Variants in MAPK8 observed in about 807,000 individuals in gnomAD.
MAPK8 encodes JUN N-terminal kinase.
A neutral mutation model predicts 52.9 loss-of-function variants in MAPK8; 13 were observed. The observed-to-expected ratio is 0.25, with a 90% CI of 0.16 to 0.39. The LOEUF is 0.39. Among genes scored for constraint, MAPK8 ranks in the 10% least tolerant of loss-of-function variants. MAPK8 has a pLI of 1.00. For synonymous variants in MAPK8, 191 were observed against 169.8 expected (o/e 1.12, Z -0.97); for missense variants, 300 against 519.2 (o/e 0.58, Z 4.10).
At chr10:48,383,279 C>T (rs1418948121) in intron 1 of MAPK8, among the ~76,000 whole-genome samples, 1 of 152,014 alleles carries the variant, frequency 6.6e-6, no homozygotes, top group Admixed American at 6.6e-5. Context: ...TTGGTAGCCA[C>T]AAATAAGGTG....
rs1340928373 is a variant in MAPK8, at chr10:48,436,494, G to A, written c.*1465G>A. The A allele has an allele frequency of 6.6e-6, 1 of 152,106 alleles. No homozygotes were observed. The highest frequency in any genetic ancestry group is 6.6e-5 in the Admixed American group (1 of 15,266). The allele number at this position is 152,106 out of a possible 1,614,324, so 9.4% of individuals were successfully genotyped here. A position where few individuals can be genotyped will look rare whatever the true frequency, so the allele number is the denominator to read the frequency against. On this transcript the variant is annotated 3_prime_UTR_variant, in exon 12 of 12. Transcript: ENST00000374189. ...TTTTAAATTATCTCTGGAACAAGAG[G>A]GATTTCATGTAATGAACTAGGAAAT...
intron 1 of MAPK8, among the ~76,000 whole-genome samples, chr10:48,355,334 C>T (rs2132473779): frequency 6.6e-6 from 1 of 151,994 alleles, no homozygotes; most frequent in South Asian, 2.1e-4. Flanking sequence ...ACGGCGAAAC[C>T]CCATCTCTAC....
At chr10:48,408,992 C>T (rs1235747822) in intron 3 of MAPK8, among the ~76,000 whole-genome samples, 2 of 152,194 alleles carry the variant, frequency 1.3e-5, no homozygotes, top group African/African-American at 2.4e-5. Flanking sequence ...GAGCGCCCCA[C>T]TCTCATGACC....
chr10:48,346,803 C>T (rs979496258), intron 1 of MAPK8, among the ~76,000 whole-genome samples: 5 of 152,170 alleles, frequency 3.3e-5, no homozygotes, highest in African/African-American at 7.2e-5. Context: ...GAAATAATGG[C>T]GTAAGCTGTC....
intron 1 of MAPK8, among the ~76,000 whole-genome samples, chr10:48,325,078 C>T (rs1428017355): frequency 1.3e-5 from 2 of 151,892 alleles, no homozygotes; most frequent in Admixed American, 6.6e-5. Context: ...TGGGTTCAAG[C>T]GATTCTCTCA....
chr10:48,388,109 A>G (rs780086502), intron 1 of MAPK8, among the ~76,000 whole-genome samples: 7 of 152,202 alleles, frequency 4.6e-5, no homozygotes, highest in Non-Finnish European at 7.4e-5. Context: ...AACATGGTAT[A>G]GGTAGGGAAT....
intron 1 of MAPK8, among the ~76,000 whole-genome samples, chr10:48,390,948 G>A (rs1280321083): frequency 6.6e-6 from 1 of 152,192 alleles, no homozygotes; most frequent in Non-Finnish European, 1.5e-5. Flanking sequence ...ATCTGCATAA[G>A]TAAATATACA....
At chr10:48,393,726 A>G (rs897763397) in intron 1 of MAPK8, among the ~76,000 whole-genome samples, 4 of 152,110 alleles carry the variant, frequency 2.6e-5, no homozygotes, top group Non-Finnish European at 5.9e-5. Flanking sequence ...TTAAATGCTT[A>G]TATTATAAAA....
intron 1 of MAPK8, among the ~76,000 whole-genome samples, chr10:48,338,510 G>A (rs1844917598): frequency 6.6e-6 from 1 of 152,004 alleles, no homozygotes; most frequent in African/African-American, 2.4e-5. Context: ...TTTCCCCTAA[G>A]AACCAGAACA....
At chr10:48,332,111 G>T (rs1844211168) in intron 1 of MAPK8, among the ~76,000 whole-genome samples, 1 of 152,156 alleles carries the variant, frequency 6.6e-6, no homozygotes. Context: ...GGTACAGTCT[G>T]TTCTAATATT....
At chr10:48,421,952 G>T (rs1276627723) in intron 6 of MAPK8, among the ~76,000 whole-genome samples, 1 of 151,882 alleles carries the variant, frequency 6.6e-6, no homozygotes. Context: ...AGCCAGCAAG[G>T]TTAAACATAA....
intron 1 of MAPK8, among the ~76,000 whole-genome samples, chr10:48,334,390 G>T (rs1263253146): frequency 6.6e-6 from 1 of 152,154 alleles, no homozygotes; most frequent in African/African-American, 2.4e-5. Flanking sequence ...CGGAACTGCA[G>T]ATTGGGACTC....
intron 1 of MAPK8, among the ~76,000 whole-genome samples, chr10:48,363,906 T>G (rs1042548066): frequency 6.6e-6 from 1 of 152,240 alleles, no homozygotes; most frequent in African/African-American, 2.4e-5. Context: ...GTGTTCTTCA[T>G]ATCAGTAGTA....
intron 1 of MAPK8, among the ~76,000 whole-genome samples, chr10:48,349,098 C>G (rs1045795503): frequency 6.6e-5 from 10 of 152,094 alleles, no homozygotes; most frequent in African/African-American, 2.2e-4. Flanking sequence ...TATATATGCA[C>G]CCAATACAGA....
At chr10:48,324,053 A>G (rs931187363) in intron 1 of MAPK8, among the ~76,000 whole-genome samples, 9 of 152,228 alleles carry the variant, frequency 5.9e-5, no homozygotes, top group African/African-American at 1.9e-4. Context: ...GTTCAGACAT[A>G]CACATTGAAA....
intron 1 of MAPK8, among the ~76,000 whole-genome samples, chr10:48,394,309 G>T (rs1174961889): frequency 2.0e-5 from 3 of 151,838 alleles, no homozygotes; most frequent in Non-Finnish European, 3.0e-5. Flanking sequence ...GAAAACTACA[G>T]TCCAGTATTC....
At chr10:48,330,532 A>G (rs572864522) in intron 1 of MAPK8, among the ~76,000 whole-genome samples, 1 of 152,330 alleles carries the variant, frequency 6.6e-6, no homozygotes, top group South Asian at 2.1e-4. Context: ...ATGTAGAACA[A>G]TGTGTGAGAA....
In MAPK8 at chr10:48,316,608, G is replaced by A. The variant is rs183604228; in HGVS notation, c.-50+9787G>A. Among the ~76,000 whole-genome samples the A allele has an allele frequency of 9.9e-4, 151 of 152,270 alleles. 1 individual carries two copies. The highest frequency in any genetic ancestry group is 2.0e-3 in the Non-Finnish European group (139 of 68,018). The stretch of plus-strand genomic sequence containing the variant: ...ATGAAGTGAATGAATGTAGACAGGA[G>A]GGTCTTAAGCTTGGAAAAATGCAAA... On this transcript the variant is annotated intron_variant, in intron 1 of 11. Coordinates refer to ENST00000374189, the MANE Select transcript of MAPK8 (RefSeq NM_001323329.2).
Position 48,413,814 on chromosome 10 carries a change from G to GTTAT in MAPK8, c.450+3647_450+3650dup, listed in dbSNP as rs1554832925. On this transcript the variant is annotated intron_variant, in intron 5 of 11. Coordinates refer to ENST00000374189, the MANE Select transcript of MAPK8 (RefSeq NM_001323329.2). ...CCAAAATTGAGTATTTGCCAGAATTGTTATATATATATATATATATATATA... is the reference window on the plus strand; with the variant it reads ...CCAAAATTGAGTATTTGCCAGAATTGTTATTTATATATATATATATATATATATA... 2.2e-4 allele frequency among the ~76,000 whole-genome samples: 7 copies of GTTAT among 31,144 alleles called. 1 individual carries two copies. Among genetic ancestry groups the GTTAT allele is most frequent in the Non-Finnish European group, 3.3e-4 (5 of 15,270 alleles). The allele number at this position is 31,144 out of a possible 152,430, so 20.4% of individuals were successfully genotyped here.
Sources: allele counts gnomAD v4.1 joint callset (sites outside exome capture counted in the v4.1 genomes callset), GRCh38; gene constraint gnomAD v4.1.1; transcripts MANE v1.5; gene names NCBI Gene and HGNC (gene_info 2026-07-23, HGNC 2026-07-21).